ZNF536: variants seen among roughly 807,000 people sequenced by gnomAD.
The protein encoded by ZNF536 is zinc finger protein 536.
ZNF536 carries 13 observed loss-of-function variants against 84.5 expected under a neutral mutation model. The ratio of observed to expected loss-of-function variants is 0.15; its 90% confidence interval spans 0.10 to 0.24. The LOEUF (loss-of-function observed/expected upper bound fraction) is 0.24, where lower values mean the gene tolerates loss of function less well. Among genes scored for constraint, ZNF536 ranks in the 10% least tolerant of loss-of-function variants. The pLI is 1.00. For synonymous variants in ZNF536, 811 were observed against 742.5 expected, an observed-to-expected ratio of 1.09 and a Z score of -1.50; for missense variants, 1,536 against 1,747.5, an observed-to-expected ratio of 0.88 and a Z score of 2.16.
intron 2 of ZNF536, among the ~76,000 whole-genome samples, chr19:30,474,313 TTCTC>T (rs66795970): frequency 2.3e-4 from 35 of 150,024 alleles, no homozygotes; most frequent in Admixed American, 4.0e-4. Context: ...TAAACCCTCT[TTCTC>T]TCTCTCTCTC....
At chr19:30,629,163 G>A (rs920858848) in intron 1 of ZNF536, among the ~76,000 whole-genome samples, 11 of 152,096 alleles carry the variant, frequency 7.2e-5, no homozygotes, top group Non-Finnish European at 1.0e-4. Context: ...TCAGTGCCAA[G>A]TGCTGGGCTA....
chr19:30,271,256 A>G (rs976714517), intron 1 of ZNF536, among the ~76,000 whole-genome samples: 1 of 148,876 alleles, frequency 6.7e-6, no homozygotes, highest in Non-Finnish European at 1.5e-5. Context: ...CACTGCTTGC[A>G]GAGTACATGC....
At chr19:30,685,885 C>T (rs534002546) in intron 1 of ZNF536, among the ~76,000 whole-genome samples, 4 of 152,244 alleles carry the variant, frequency 2.6e-5, no homozygotes, top group Admixed American at 6.5e-5. Flanking sequence ...TTTCTTTGTT[C>T]GGAAGACAGG....
intron 1 of ZNF536, among the ~76,000 whole-genome samples, chr19:30,385,232 G>A (rs866892109): frequency 6.6e-6 from 1 of 151,998 alleles, no homozygotes; most frequent in Non-Finnish European, 1.5e-5. Flanking sequence ...ATGGACATGA[G>A]GAAGGAAGAG....
intron 2 of ZNF536, among the ~76,000 whole-genome samples, chr19:30,301,743 C>T (rs1488110668): frequency 6.6e-6 from 1 of 151,936 alleles, no homozygotes; most frequent in African/African-American, 2.4e-5. Flanking sequence ...ATTATGCACT[C>T]TGCATTTGGA....
At chr19:30,280,758 AG>A (rs2045412856) in intron 1 of ZNF536, among the ~76,000 whole-genome samples, 1 of 152,202 alleles carries the variant, frequency 6.6e-6, no homozygotes, top group South Asian at 2.1e-4. Flanking sequence ...TGAGTCGGGC[AG>A]GCTGGGCTTT....
At chr19:30,522,422 A>T (rs967378076) in intron 2 of ZNF536, among the ~76,000 whole-genome samples, 5 of 151,522 alleles carry the variant, frequency 3.3e-5, no homozygotes, top group Admixed American at 2.6e-4. Context: ...TTCTCAAATG[A>T]AAAGGGCTAG....
chr19:30,268,041 C>CTG (rs1176021231), intron 1 of ZNF536, among the ~76,000 whole-genome samples: 4 of 143,940 alleles, frequency 2.8e-5, no homozygotes, highest in Non-Finnish European at 4.5e-5. Context: ...CTTCCTCCCC[C>CTG]CGCCTCCCTC....
chr19:30,545,936 G>A (rs998619829), intron 3 of ZNF536, among the ~76,000 whole-genome samples: 1 of 152,196 alleles, frequency 6.6e-6, no homozygotes, highest in Non-Finnish European at 1.5e-5. Flanking sequence ...GTCCCACCAG[G>A]CACCTGCGGG....
intron 1 of ZNF536, among the ~76,000 whole-genome samples, chr19:30,705,385 A>G (rs76922496): frequency 0.015 from 2,243 of 152,246 alleles, 49 homozygotes; most frequent in African/African-American, 0.051. Flanking sequence ...TAAATTGTGT[A>G]TAAACTAACA....
At chr19:30,699,113 T>A (rs2051785977) in intron 1 of ZNF536, among the ~76,000 whole-genome samples, 1 of 152,190 alleles carries the variant, frequency 6.6e-6, no homozygotes, top group Non-Finnish European at 1.5e-5. Context: ...TGTGGGGGTT[T>A]TTTTTTAGTA....
intron 2 of ZNF536, among the ~76,000 whole-genome samples, chr19:30,533,129 G>GC (rs1336303552): frequency 6.6e-6 from 1 of 152,198 alleles, no homozygotes; most frequent in African/African-American, 2.4e-5. Flanking sequence ...AAATAACTGT[G>GC]CCAGGGTGAT....
intron 1 of ZNF536, among the ~76,000 whole-genome samples, chr19:30,690,370 G>A (rs74740680): frequency 0.015 from 2,337 of 152,286 alleles, 68 homozygotes; most frequent in African/African-American, 0.051. Context: ...CGATTTGAAA[G>A]GGATTTGAAT....
At chr19:30,653,346 G>A (rs1031568364) in intron 1 of ZNF536, among the ~76,000 whole-genome samples, 2 of 152,102 alleles carry the variant, frequency 1.3e-5, no homozygotes, top group Non-Finnish European at 2.9e-5. Flanking sequence ...CTGCTTTCGG[G>A]GAGACAAGCA....
At chr19:30,490,172 A>G (rs1363937107) in intron 2 of ZNF536, among the ~76,000 whole-genome samples, 1 of 152,032 alleles carries the variant, frequency 6.6e-6, no homozygotes, top group East Asian at 1.9e-4. Flanking sequence ...TTTTTTTTTA[A>G]CCAAGTTGAC....
intron 2 of ZNF536, among the ~76,000 whole-genome samples, chr19:30,323,645 A>G (rs899383729): frequency 1.3e-5 from 2 of 152,190 alleles, no homozygotes; most frequent in African/African-American, 4.8e-5. Context: ...GTTGGGCAGC[A>G]TGGGAAAGAA....
chr19:30,269,999 A>G (rs764883773), intron 1 of ZNF536, among the ~76,000 whole-genome samples: 4 of 152,216 alleles, frequency 2.6e-5, no homozygotes, highest in Non-Finnish European at 5.9e-5. Context: ...TCATCCAATC[A>G]GAACTGGAGA....
At chr19:30,237,546 TG>T in intron 1 of ZNF536, among the ~76,000 whole-genome samples, 1 of 152,306 alleles carries the variant, frequency 6.6e-6, no homozygotes, top group East Asian at 1.9e-4. Context: ...TGCTGGACTG[TG>T]GGGGCCAAGG....
chr19:30,355,225 C>A (rs2048054152), intron 3 of ZNF536, among the ~76,000 whole-genome samples: 1 of 151,944 alleles, frequency 6.6e-6, no homozygotes, highest in South Asian at 2.1e-4. Context: ...GAAGGAGAAG[C>A]AGGAGCATCA....
Sources: gnomAD v4.1 joint callset for allele counts (sites outside exome capture counted in the v4.1 genomes callset) on GRCh38, gnomAD v4.1.1 for gene constraint, MANE v1.5 for transcripts, NCBI Gene and HGNC (gene_info 2026-07-23, HGNC 2026-07-21) for gene names.